Variants in CEP112 observed in about 807,000 individuals in gnomAD.
The protein encoded by CEP112 is centrosomal protein of 112 kDa.
A neutral mutation model predicts 153.0 loss-of-function variants in CEP112; 127 were observed. The observed-to-expected ratio is 0.83, with a 90% CI of 0.72 to 0.96. The LOEUF is 0.96. Among genes scored for constraint, CEP112 ranks in the 40% least tolerant of loss-of-function variants. The probability of loss-of-function intolerance (pLI) is 0.00; values close to 1 mark genes in which losing one functional copy is unlikely to be tolerated. For synonymous variants in CEP112, 358 were observed against 374.4 expected, an observed-to-expected ratio of 0.96 and a Z score of 0.51; for missense variants, 1,089 against 1,101.2, an observed-to-expected ratio of 0.99 and a Z score of 0.16.
At chr17:66,077,475 A>T (rs1250207840) in intron 8 of CEP112, among the ~76,000 whole-genome samples, 1 of 152,236 alleles carries the variant, frequency 6.6e-6, no homozygotes, top group Admixed American at 6.5e-5. Flanking sequence ...GAGCTTGACG[A>T]CAAGGTCTTC....
At chr17:66,027,977 A>T (rs1475109716) in intron 15 of CEP112, among the ~76,000 whole-genome samples, 1 of 121,270 alleles carries the variant, frequency 8.2e-6, no homozygotes, top group Non-Finnish European at 1.8e-5. Flanking sequence ...CAGAGAAAGA[A>T]AGAGGGAAAG....
chr17:66,109,745 A>T (rs1410971010), intron 6 of CEP112, among the ~76,000 whole-genome samples: 1 of 152,238 alleles, frequency 6.6e-6, no homozygotes, highest in Non-Finnish European at 1.5e-5. Context: ...CAGAATTTCA[A>T]CAGGGTTTTT....
intron 19 of CEP112, among the ~76,000 whole-genome samples, chr17:65,920,359 C>CAAAAAAAAAAAAAAAAA (rs1555713306): frequency 3.4e-5 from 1 of 29,830 alleles, no homozygotes; most frequent in African/African-American, 1.3e-4. Context: ...AACAAACAAA[C>CAAAAAAAAAAAAAAAAA]AAAATATATA....
At chr17:65,916,250 A>AGTGTGT (rs3222034) in intron 19 of CEP112, among the ~76,000 whole-genome samples, 10,467 of 129,776 alleles carry the variant, frequency 0.081, 565 homozygotes, top group East Asian at 0.28. Context: ...TTTGAAAAAG[A>AGTGTGT]GTGTGTGTGT....
At chr17:65,641,464 T>C (rs1284066415) in intron 24 of CEP112, among the ~76,000 whole-genome samples, 1 of 152,190 alleles carries the variant, frequency 6.6e-6, no homozygotes, top group Non-Finnish European at 1.5e-5. Flanking sequence ...ATGTCTCTGC[T>C]TTGATGAAAA....
At chr17:65,847,523 A>AT (rs1262700235) in intron 21 of CEP112, among the ~76,000 whole-genome samples, 1 of 152,188 alleles carries the variant, frequency 6.6e-6, no homozygotes, top group African/African-American at 2.4e-5. Flanking sequence ...GAGCTTCTCT[A>AT]TATCTTTACC....
intron 21 of CEP112, among the ~76,000 whole-genome samples, chr17:65,808,478 G>A (rs1423314790): frequency 6.6e-6 from 1 of 152,138 alleles, no homozygotes; most frequent in African/African-American, 2.4e-5. Context: ...GAATGATATG[G>A]TTTGGCTCTG....
At chr17:65,914,027 T>G (rs2060381465) in intron 19 of CEP112, 1 of 239,452 alleles carries the variant, frequency 4.2e-6, no homozygotes, top group African/African-American at 2.3e-5. Context: ...GTCAAATGCT[T>G]CAAAAGGGTT....
intron 16 of CEP112, among the ~76,000 whole-genome samples, chr17:66,006,651 C>G (rs189125814): frequency 6.6e-6 from 1 of 151,928 alleles, no homozygotes; most frequent in East Asian, 1.9e-4. Flanking sequence ...TATGCATATG[C>G]AGATAAACAT....
intron 10 of CEP112, 102 bp downstream of exon 10, chr17:66,066,676 C>A: frequency 1.4e-6 from 1 of 736,098 alleles, no homozygotes. Flanking sequence ...ATAAACATTC[C>A]TATCTCATAC....
intron 20 of CEP112, among the ~76,000 whole-genome samples, chr17:65,867,716 T>C (rs2058531326): frequency 6.6e-6 from 1 of 152,170 alleles, no homozygotes; most frequent in Non-Finnish European, 1.5e-5. Flanking sequence ...AGGAGTTTAT[T>C]ATTTAATAAC....
intron 20 of CEP112, among the ~76,000 whole-genome samples, chr17:65,875,415 T>A (rs921325290): frequency 6.6e-6 from 1 of 152,110 alleles, no homozygotes; most frequent in Non-Finnish European, 1.5e-5. Context: ...CATCTGCAAG[T>A]CACTCCCCAG....
intron 23 of CEP112, among the ~76,000 whole-genome samples, chr17:65,702,270 T>G (rs571570304): frequency 5.3e-5 from 8 of 152,308 alleles, no homozygotes; most frequent in African/African-American, 1.9e-4. Context: ...CATCCTGGCA[T>G]GTAGGATGTG....
At chr17:65,862,698 T>C (rs1168829893) in intron 20 of CEP112, among the ~76,000 whole-genome samples, 4 of 152,192 alleles carry the variant, frequency 2.6e-5, no homozygotes, top group African/African-American at 9.7e-5. Context: ...ATTCTTTGTA[T>C]GTATCAGACA....
intron 23 of CEP112, among the ~76,000 whole-genome samples, chr17:65,721,594 T>C (rs573987999): frequency 6.6e-5 from 10 of 152,332 alleles, no homozygotes; most frequent in African/African-American, 2.4e-4. Context: ...TTGAACTAAA[T>C]GGATTCTCAA....
At chr17:65,735,134 G>A (rs927940833) in intron 23 of CEP112, among the ~76,000 whole-genome samples, 2 of 152,078 alleles carry the variant, frequency 1.3e-5, no homozygotes, top group Non-Finnish European at 2.9e-5. Flanking sequence ...CACAGTGGTG[G>A]TATTAGTTTT....
At chr17:65,689,028 A>T (rs924386644) in intron 24 of CEP112, 101 bp downstream of exon 24, 19 of 812,598 alleles carry the variant, frequency 2.3e-5, no homozygotes, top group South Asian at 2.1e-4. Context: ...TCGGCCTCCC[A>T]AAGTGCTGAG....
At chr17:65,905,879 A>G (rs2060056992) in intron 19 of CEP112, among the ~76,000 whole-genome samples, 1 of 152,006 alleles carries the variant, frequency 6.6e-6, no homozygotes, top group South Asian at 2.1e-4. Context: ...CGGGGGGCGG[A>G]GCTTGCAGTG....
chr17:65,913,236 G>A (rs2060351873), intron 19 of CEP112, among the ~76,000 whole-genome samples: 1 of 152,224 alleles, frequency 6.6e-6, no homozygotes, highest in Non-Finnish European at 1.5e-5. Context: ...CGCAAAGGTA[G>A]TAGTTTCACA....
Sources: gnomAD v4.1 joint callset for allele counts (sites outside exome capture counted in the v4.1 genomes callset) on GRCh38, gnomAD v4.1.1 for gene constraint, MANE v1.5 for transcripts, NCBI Gene and HGNC (gene_info 2026-07-23, HGNC 2026-07-21) for gene names.